MBD6: variants seen among roughly 807,000 people sequenced by gnomAD.
The protein encoded by MBD6 is methyl-CpG-binding domain protein 6.
Under a neutral mutation model 66.8 loss-of-function variants are expected in MBD6, and 22 were observed. The ratio of observed to expected loss-of-function variants is 0.33; its 90% CI spans 0.24 to 0.47. The LOEUF (loss-of-function observed/expected upper bound fraction) is 0.47, where lower values mean the gene tolerates loss of function less well. Ranked by LOEUF, MBD6 falls within the 20% of genes least tolerant of loss-of-function variation. The pLI, the probability that MBD6 is intolerant of heterozygous loss-of-function variation, is 1.00. For missense variants in MBD6, 1,322 were observed against 1,286.9 expected, an observed-to-expected ratio of 1.03 and a Z score of -0.42; for synonymous variants, 540 against 534.6, an observed-to-expected ratio of 1.01 and a Z score of -0.14.
chr12:57,530,896 G>T, downstream of MBD6: 1 of 866,644 alleles, frequency 1.2e-6, no homozygotes, highest in East Asian at 2.4e-5. Flanking sequence ...GGGCCACAGA[G>T]GGGGGATGTT....
At position 57,527,222 on chromosome 12, in the gene MBD6, C is replaced by T. The variant is rs1490258805; in HGVS notation, c.2077C>T (p.Pro693Ser). The change falls in exon 7 of 13, where the codon CCC becomes TCC. Residue 693 changes from proline to serine, a missense_variant. Transcript: ENST00000355673. ...ATLDPPSGTP[P>S]QPCVLSAPQP... is the part of the protein sequence containing the mutation. The stretch of plus-strand genomic sequence containing the variant: ...CCTGGATCCCCCCTCGGGGACACCC[C>T]CCCAGGTGAGGATGGGGGTGAGTAG... The T allele has an allele frequency of 1.3e-6, 2 of 1,506,946 alleles. No homozygotes were observed. Among genetic ancestry groups the T allele is most frequent in the Non-Finnish European group, 1.8e-6 (2 of 1,129,324 alleles). The allele number at this position is 1,506,946 out of a possible 1,614,324, so 93.3% of individuals were successfully genotyped here. A position where few individuals can be genotyped will look rare whatever the true frequency, so the allele number is the denominator to read the frequency against.
Position 57,524,955 on chromosome 12 carries a change from T to A in MBD6, c.219T>A (p.Val73=). ...TGTCCTTGCTTTCCACCTTACAGGT[T>A]TTCAACTTTGACCCTTTGGCCCCGG... The part of the protein sequence containing the change: ...GLECPLNVPK[V]FNFDPLAPVT... The change falls in exon 5 of 13, where the codon GTT becomes GTA. Residue 73 remains valine, a splice_region_variant and synonymous_variant. Transcript: ENST00000355673. The A allele has an allele frequency of 4.4e-6, 7 of 1,600,964 alleles. No individual in the cohort carries two copies. The highest frequency in any genetic ancestry group is 5.1e-6 in the Non-Finnish European group (6 of 1,171,604).
chr12:57,529,199 C>G lies in MBD6; in HGVS notation c.2977C>G (p.Pro993Ala), dbSNP rs918151007. ...PLPPRARPGRPAKNKRRKLAP is the reference protein window; with the variant it reads ...PLPPRARPGRAAKNKRRKLAP ...GCCTCCCCGGGCCCGCCCTGGCCGTCCTGCCAAAAACAAGAGGAGGAAACT... is the reference window on the plus strand; with the variant it reads ...GCCTCCCCGGGCCCGCCCTGGCCGTGCTGCCAAAAACAAGAGGAGGAAACT... Residue 993 changes from proline (P) to alanine (A), a missense_variant, in exon 13 of 13, where the codon CCT becomes GCT. Transcript: ENST00000355673. 1.9e-6 allele frequency: 3 copies of G among 1,614,004 alleles called. No individual in the cohort carries two copies. Among genetic ancestry groups the G allele is most frequent in the Non-Finnish European group, 2.5e-6 (3 of 1,180,002 alleles).
At chr12:57,529,131 A>C (rs1264871589) in intron 12 of MBD6, 29 bp from the exon 13 acceptor site, 1 of 1,613,672 alleles carries the variant, frequency 6.2e-7, no homozygotes, top group Non-Finnish European at 8.5e-7. Flanking sequence ...GCAATTGACC[A>C]CTTCTATCAA....
At position 57,527,845 on chromosome 12, in the gene MBD6, C is replaced by A; in HGVS notation, c.2237-3C>A. The A allele has an allele frequency of 6.2e-7, 1 of 1,612,960 alleles. No homozygotes were observed. Among genetic ancestry groups the A allele is most frequent in the Non-Finnish European group, 8.5e-7 (1 of 1,179,852 alleles). On this transcript the variant is annotated splice_region_variant and splice_polypyrimidine_tract_variant and intron_variant, in intron 8 of 12. Coordinates refer to ENST00000355673, the MANE Select transcript of MBD6 (RefSeq NM_052897.4). ...GAGACCCCTGACTATAATTTCTCAA[C>A]AGGTGACCTGTCTTCACTGACCAGC...
In MBD6 at chr12:57,527,618, C is replaced by T. The variant is rs760826417; in HGVS notation, c.2194C>T (p.Pro732Ser). 3.1e-6 allele frequency: 5 copies of T among 1,611,126 alleles called. No individual in the cohort carries two copies. Among genetic ancestry groups the T allele is most frequent in the Admixed American group, 1.7e-5 (1 of 59,454 alleles). ...CAAGGCCCCCTCCAACTCAGGGAGA[C>T]CCCCCCAACTCCTTAGCCCTCTGCT... ...LGKAPSNSGR[P>S]PQLLSPLLGA... is the part of the protein sequence containing the mutation. Residue 732 changes from proline to serine, a missense_variant, in exon 8 of 13, where the codon CCC (proline) becomes TCC (serine). Physicochemically the swap from Pro to Ser is moderately conservative, Grantham distance 74 (BLOSUM62 -1). Coordinates refer to ENST00000355673, the MANE Select transcript of MBD6 (RefSeq NM_052897.4).
intron 11 of MBD6, 106 bp downstream of exon 11, chr12:57,528,824 T>C (rs971840468): frequency 1.1e-5 from 18 of 1,595,938 alleles, no homozygotes; most frequent in Non-Finnish European, 1.5e-5. Context: ...CAGATTCTTA[T>C]TTGAATATGA....
At position 57,528,715 on chromosome 12, in the gene MBD6, A is replaced by G; in HGVS notation, c.2870A>G (p.Tyr957Cys). The G allele has an allele frequency of 6.2e-7, 1 of 1,614,204 alleles. No individual in the cohort carries two copies. Among genetic ancestry groups the G allele is most frequent in the South Asian group, 1.1e-5 (1 of 91,078 alleles). ...TCTCGTCGTGGCCGTAGGAGAAAAT[A>G]CAAGTGAGTGTTGGGCCTACTATAG... Reference protein sequence around the residue: ...RKSRRGRRRKYNPTRNSNSSR... With the variant: ...RKSRRGRRRKCNPTRNSNSSR... The change falls in exon 11 of 13, where the codon TAC (tyrosine) becomes TGC (cysteine). Residue 957 changes from tyrosine (Y) to cysteine (C), a missense_variant. Coordinates refer to ENST00000355673, the MANE Select transcript of MBD6 (RefSeq NM_052897.4).
Position 57,526,868 on chromosome 12 carries a change from C to A in MBD6, c.1723C>A (p.Pro575Thr). The change falls in exon 7 of 13, where the codon CCC becomes ACC. Residue 575 changes from proline to threonine, a missense_variant. By Grantham distance (38) the Pro-to-Thr change is conservative. Transcript: ENST00000355673. ...GGGAGGAGGACAACCTCCCCCTGAG[C>A]CCCTGCTACCCCCACCAGGAGGACC... Reference protein sequence around the residue: ...TGGGGQPPPEPLLPPPGGPGP... With the variant: ...TGGGGQPPPETLLPPPGGPGP... 6.2e-7 allele frequency: 1 copy of A among 1,613,140 alleles called. No individual in the cohort carries two copies. The highest frequency in any genetic ancestry group is 8.5e-7 in the Non-Finnish European group (1 of 1,179,628).
upstream of MBD6, among the ~76,000 whole-genome samples, chr12:57,522,200 C>T (rs1018843677): frequency 5.3e-5 from 8 of 152,160 alleles, no homozygotes; most frequent in Admixed American, 2.6e-4. Context: ...TCCGCTGCTC[C>T]ACACCTCCAT....
downstream of MBD6, chr12:57,530,842 G>A (rs188090008): frequency 3.8e-5 from 50 of 1,310,450 alleles, 1 homozygote; most frequent in East Asian, 9.3e-4. Context: ...AGGACCTGAA[G>A]GAATTCTCTG....
chr12:57,525,312 G>C, intron 5 of MBD6, 36 bp from the exon 6 acceptor site: 1 of 1,535,272 alleles, frequency 6.5e-7, no homozygotes, highest in Non-Finnish European at 8.7e-7. Context: ...TGGAAGGGGA[G>C]CCACAGGCTG....
rs896483938 is a variant in MBD6 at position 57,528,669 on chromosome 12, C to T, written c.2824C>T (p.Pro942Ser). Residue 942 changes from proline (P) to serine (S), a missense_variant, in exon 11 of 13, where the codon CCC becomes TCC. Coordinates refer to ENST00000355673, the MANE Select transcript of MBD6 (RefSeq NM_052897.4). ...PGPHSEDLKV[P>S]PGVVRKSRRG... The stretch of plus-strand genomic sequence containing the variant: ...CACATAGTCCATCTTTTCTCAGGTG[C>T]CCCCGGGAGTAGTCAGAAAGTCTCG... 2.5e-6 allele frequency: 4 copies of T among 1,613,794 alleles called. No homozygotes were observed. Among genetic ancestry groups the T allele is most frequent in the East Asian group, 2.2e-5 (1 of 44,880 alleles).
At chr12:57,528,598 C>A (rs1437965550) in intron 10 of MBD6, 38 bp downstream of exon 10, 3 of 1,612,418 alleles carry the variant, frequency 1.9e-6, no homozygotes, top group Non-Finnish European at 2.5e-6. Flanking sequence ...CTCAGGGGCT[C>A]TGAGGAAAGG....
rs770103948 is a variant in MBD6, at chr12:57,528,558, A to C, written c.2818A>C (p.Lys940Gln). ...PPPGPHSEDL[K>Q]VPPGVVRKSR... ...TCCCGGGCCCCATTCTGAGGACCTT[A>C]AGGTGAGTGCAGAGTGCTGGTAGTC... Residue 940 changes from lysine (K) to glutamine (Q), a missense_variant and splice_region_variant, in exon 10 of 13, where the codon AAG becomes CAG. Lys to Gln is a moderately conservative substitution (Grantham distance 53). Transcript: ENST00000355673. 6.2e-7 allele frequency: 1 copy of C among 1,610,976 alleles called. No individual in the cohort carries two copies. The highest frequency in any genetic ancestry group is 2.2e-5 in the East Asian group (1 of 44,846).
chr12:57,529,518 A>C lies in MBD6; in HGVS notation c.*284A>C. On this transcript the variant is annotated 3_prime_UTR_variant, in exon 13 of 13. Coordinates refer to ENST00000355673, the MANE Select transcript of MBD6 (RefSeq NM_052897.4). ...TTCCCCACCAGGCGCTAAGGGGAAC[A>C]CCCCCTTCCCCAGGTCTTTTATTTG... The C allele has an allele frequency of 6.1e-6, 2 of 329,344 alleles. No homozygotes were observed. Among genetic ancestry groups the C allele is most frequent in the Non-Finnish European group, 1.1e-5 (2 of 179,706 alleles). The allele number at this position is 329,344 out of a possible 1,614,324, so 20.4% of individuals were successfully genotyped here. A position where few individuals can be genotyped will look rare whatever the true frequency, so the allele number is the denominator to read the frequency against.
rs759011021 is a variant in MBD6, at chr12:57,528,951, C to T, written c.2879C>T (p.Thr960Ile). Reference protein sequence around the residue: ...RRGRRRKYNPTRNSNSSRQDI... With the variant: ...RRGRRRKYNPIRNSNSSRQDI... ...ATCTGTGCCCCTTATTGCAGCCCTACCCGGAACAGCAATAGCTCCCGCCAG... is the reference window on the plus strand; with the variant it reads ...ATCTGTGCCCCTTATTGCAGCCCTATCCGGAACAGCAATAGCTCCCGCCAG... Residue 960 changes from threonine (T) to isoleucine (I), a missense_variant, in exon 12 of 13, where the codon ACC becomes ATC. By Grantham distance (89) the Thr-to-Ile change is moderately conservative. Coordinates refer to ENST00000355673, the MANE Select transcript of MBD6 (RefSeq NM_052897.4). 1 of 1,614,154 alleles carries T rather than the reference C, an allele frequency of 6.2e-7. No homozygotes were observed. Among genetic ancestry groups the T allele is most frequent in the Non-Finnish European group, 8.5e-7 (1 of 1,180,030 alleles).
chr12:57,527,836 A>G lies in MBD6; in HGVS notation c.2237-12A>G. ...GCCTAGGGAGAGACCCCTGACTATA[A>G]TTTCTCAACAGGTGACCTGTCTTCA... is the stretch of plus-strand genomic sequence containing the variant. On this transcript the variant is annotated splice_polypyrimidine_tract_variant and intron_variant, in intron 8 of 12. Coordinates refer to ENST00000355673, the MANE Select transcript of MBD6 (RefSeq NM_052897.4). The G allele has an allele frequency of 6.2e-7, 1 of 1,612,592 alleles. No homozygotes were observed. Among genetic ancestry groups the G allele is most frequent in the African/African-American group, 1.3e-5 (1 of 74,950 alleles).
chr12:57,530,766 T>C (rs761069365), downstream of MBD6: 1 of 1,613,778 alleles, frequency 6.2e-7, no homozygotes, highest in Admixed American at 1.7e-5. Context: ...TCACGCATGG[T>C]TGTCTGCACC....
Sources: gnomAD v4.1 joint callset for allele counts (sites outside exome capture counted in the v4.1 genomes callset) on GRCh38, gnomAD v4.1.1 for gene constraint, MANE v1.5 for transcripts, NCBI Gene and HGNC (gene_info 2026-07-23, HGNC 2026-07-21) for gene names.